SLX9: variants seen among roughly 807,000 people sequenced by gnomAD.
SLX9 encodes SLX9 ribosome biogenesis factor.
Under a neutral mutation model 20.8 loss-of-function variants are expected in SLX9, and 19 were observed. The observed-to-expected ratio is 0.91, with a 90% CI of 0.64 to 1.34. SLX9 has a LOEUF of 1.34. SLX9 is among the 40% of genes most tolerant of loss of function. The pLI is 0.00. For synonymous variants in SLX9, 113 were observed against 137.1 expected, an observed-to-expected ratio of 0.82 and a Z score of 1.23; for missense variants, 299 against 322.2, an observed-to-expected ratio of 0.93 and a Z score of 0.55.
chr21:44,942,475 G>A (rs2084567261), intron 1 of SLX9, among the ~76,000 whole-genome samples: 2 of 152,204 alleles, frequency 1.3e-5, no homozygotes, highest in African/African-American at 4.8e-5. Flanking sequence ...GAGAGCACCT[G>A]GGGAGTTGCA....
rs376460154 is a variant in SLX9 at position 44,951,754 on chromosome 21, G to A, written c.283+7917G>A. 5.3e-4 allele frequency among the ~76,000 whole-genome samples: 81 copies of A among 152,260 alleles called. 3 individuals carry two copies. The highest frequency in any genetic ancestry group is 3.7e-3 in the South Asian group (18 of 4,824). The stretch of plus-strand genomic sequence containing the variant: ...CCATCTCTCGCCTACAGGTGTTCTC[G>A]CCCAGGCCTGCTGCACGTGCCAATC... On this transcript the variant is annotated intron_variant, in intron 2 of 5. Coordinates refer to ENST00000291634, the MANE Select transcript of SLX9 (RefSeq NM_058190.4).
rs142994951 is a variant in SLX9, at chr21:44,971,452, G to A, written c.501-1745G>A. Among the ~76,000 whole-genome samples the A allele has an allele frequency of 7.1e-3, 1,076 of 152,214 alleles. 15 individuals carry two copies. The highest frequency in any genetic ancestry group is 0.024 in the African/African-American group (1,017 of 41,536). On this transcript the variant is annotated intron_variant, in intron 4 of 5. Coordinates refer to ENST00000291634, the MANE Select transcript of SLX9 (RefSeq NM_058190.4). Reference sequence around the variant, plus strand: ...GACGCGTGGGTGGGGGACGGTCCCCGCAGTGGGGAGGGGAGGTGCCGCGCC... The same window carrying A: ...GACGCGTGGGTGGGGGACGGTCCCCACAGTGGGGAGGGGAGGTGCCGCGCC...
At chr21:44,961,687 C>T (rs539871113) in intron 3 of SLX9, among the ~76,000 whole-genome samples, 1 of 152,294 alleles carries the variant, frequency 6.6e-6, no homozygotes, top group African/African-American at 2.4e-5. Context: ...TTATTTGTAT[C>T]TCCACCTTCA....
chr21:44,963,135 C>T (rs1400637172), intron 3 of SLX9, among the ~76,000 whole-genome samples: 1 of 149,804 alleles, frequency 6.7e-6, no homozygotes, highest in Non-Finnish European at 1.5e-5. Flanking sequence ...TGTCGCCAGG[C>T]TGGAGTGCAG....
chr21:44,955,317 C>T (rs925766343), intron 2 of SLX9, among the ~76,000 whole-genome samples: 1 of 152,210 alleles, frequency 6.6e-6, no homozygotes, highest in Non-Finnish European at 1.5e-5. Context: ...CCCGCTGCCG[C>T]GGTGCTGGGC....
At position 44,941,826 on chromosome 21, in the gene SLX9, G is replaced by A. The variant is rs545996352; in HGVS notation, c.129+1640G>A. Among the ~76,000 whole-genome samples, 4 of 152,306 alleles carry A rather than the reference G, an allele frequency of 2.6e-5. No homozygotes were observed. The South Asian group carries it at 6.2e-4, about 24-fold the overall frequency. ...CTTGGGCACCCTGCCCTCTGCATCT[G>A]TCACCACCCAGAGCTCCTTCCTGGT... On this transcript the variant is annotated intron_variant, in intron 1 of 5. Transcript: ENST00000291634.
At chr21:44,975,891 G>C (rs2085252379) in intron 5 of SLX9, among the ~76,000 whole-genome samples, 1 of 152,262 alleles carries the variant, frequency 6.6e-6, no homozygotes, top group African/African-American at 2.4e-5. Flanking sequence ...CCAGCGGGGT[G>C]TGAAAGAGCC....
At chr21:44,973,172 TCA>T (rs776413741) in intron 4 of SLX9, 23 bp from the exon 5 acceptor site, 4 of 1,612,948 alleles carry the variant, frequency 2.5e-6, no homozygotes, top group African/African-American at 2.7e-5. Context: ...GGATGCTGAC[TCA>T]CGTGGCTTCT....
chr21:44,957,155 C>T (rs983902379), intron 2 of SLX9, among the ~76,000 whole-genome samples: 3 of 152,236 alleles, frequency 2.0e-5, no homozygotes, highest in African/African-American at 7.2e-5. Context: ...GGCCGGCCGG[C>T]GTTCCAGGGA....
In SLX9 at chr21:44,967,153, G is replaced by A. The variant is rs570636434; in HGVS notation, c.472G>A (p.Glu158Lys). ...RDALPELLGL[E>K]AGSRRQARSR... ...TGCCCTGCCCGAGCTGCTGGGGCTC[G>A]AGGCTGGCAGCCGGCGCCAAGCCCG... Residue 158 changes from glutamate to lysine, a missense_variant, in exon 4 of 6, where the codon GAG becomes AAG. Transcript: ENST00000291634. 7.6e-5 allele frequency: 121 copies of A among 1,595,764 alleles called. No homozygotes were observed. The highest frequency in any genetic ancestry group is 9.4e-5 in the Non-Finnish European group (110 of 1,171,764).
At chr21:44,957,885 C>T (rs1675436566) in intron 2 of SLX9, among the ~76,000 whole-genome samples, 1 of 152,236 alleles carries the variant, frequency 6.6e-6, no homozygotes, top group Non-Finnish European at 1.5e-5. Flanking sequence ...GAAGGAGTGG[C>T]AGTGTGTGAG....
At chr21:44,950,329 A>G (rs2084732694) in intron 2 of SLX9, among the ~76,000 whole-genome samples, 1 of 151,958 alleles carries the variant, frequency 6.6e-6, no homozygotes, top group Non-Finnish European at 1.5e-5. Context: ...TGTTGCTTAT[A>G]TCTACTCCCA....
intron 4 of SLX9, among the ~76,000 whole-genome samples, chr21:44,971,862 G>A (rs1308121658): frequency 6.6e-6 from 1 of 152,210 alleles, no homozygotes; most frequent in Non-Finnish European, 1.5e-5. Flanking sequence ...AGGCCGTGGG[G>A]AGATGTCGTC....
At position 44,967,199 on chromosome 21, in the gene SLX9, G is replaced by T; in HGVS notation, c.500+18G>T. 1 of 1,551,658 alleles carries T rather than the reference G, an allele frequency of 6.4e-7. No homozygotes were observed. The highest frequency in any genetic ancestry group is 8.7e-7 in the Non-Finnish European group (1 of 1,150,962). The stretch of plus-strand genomic sequence containing the variant: ...GCCCGCAGGTGAGTGTCCGGGAGGG[G>T]TGGCCCTTTCCGAGCTGTGGGGCTG... On this transcript the variant is annotated intron_variant, in intron 4 of 5. Coordinates refer to ENST00000291634, the MANE Select transcript of SLX9 (RefSeq NM_058190.4).
chr21:44,975,636 G>A (rs2085248046), intron 5 of SLX9, among the ~76,000 whole-genome samples: 1 of 152,284 alleles, frequency 6.6e-6, no homozygotes, highest in Admixed American at 6.5e-5. Context: ...AGTTGCCCCA[G>A]GTGGGGCCTT....
intron 5 of SLX9, among the ~76,000 whole-genome samples, chr21:44,973,641 C>T (rs1184199816): frequency 8.5e-6 from 1 of 117,904 alleles, no homozygotes; most frequent in Admixed American, 8.5e-5. Context: ...TCCAGGGGTT[C>T]AGCTCCTATG....
Position 44,963,129 on chromosome 21 carries a change from G to A in SLX9, c.352+2961G>A, listed in dbSNP as rs541745928. Among the ~76,000 whole-genome samples, 16 of 146,852 alleles carry A rather than the reference G, an allele frequency of 1.1e-4. No individual in the cohort carries two copies. The South Asian group carries it at 1.3e-3, about 12-fold the overall frequency. On this transcript the variant is annotated intron_variant, in intron 3 of 5. Coordinates refer to ENST00000291634, the MANE Select transcript of SLX9 (RefSeq NM_058190.4). ...TTTTGAGATAGAGTCTTGCTCTGTC[G>A]CCAGGCTGGAGTGCAGTGGTGCGAT...
intron 2 of SLX9, among the ~76,000 whole-genome samples, chr21:44,957,058 G>T (rs1353191300): frequency 6.6e-6 from 1 of 152,220 alleles, no homozygotes; most frequent in Admixed American, 6.5e-5. Context: ...CCCTTTTCTT[G>T]TCAGGGTTTT....
chr21:44,969,895 C>A (rs1568945481), intron 4 of SLX9, among the ~76,000 whole-genome samples: 1 of 152,174 alleles, frequency 6.6e-6, no homozygotes, highest in Admixed American at 6.5e-5. Flanking sequence ...TTCTCAGACT[C>A]CTCTTGGTTT....
Sources: gnomAD v4.1 joint callset for allele counts (sites outside exome capture counted in the v4.1 genomes callset) on GRCh38, gnomAD v4.1.1 for gene constraint, MANE v1.5 for transcripts, NCBI Gene and HGNC (gene_info 2026-07-23, HGNC 2026-07-21) for gene names.